The following TMEM129 variants were observed in gnomAD, a reference collection of about 807,000 sequenced individuals.
TMEM129 encodes the protein E3 ubiquitin-protein ligase TM129.
In TMEM129, 35 loss-of-function variants were observed where a neutral mutation model predicts 34.1. That is an observed-to-expected ratio of 1.03 (90% CI 0.78 to 1.36). The LOEUF is 1.36. Ranked by LOEUF, TMEM129 falls within the 40% of genes most tolerant of loss-of-function variation. The pLI, the probability that TMEM129 is intolerant of heterozygous loss-of-function variation, is 0.00. For missense variants in TMEM129, 504 were observed against 512.6 expected (o/e 0.98, Z 0.16); for synonymous variants, 239 against 217.3 (o/e 1.10, Z -0.88).
At chr4:1,719,019 C>T in intron 1 of TMEM129, 2 of 1,289,184 alleles carry the variant, frequency 1.6e-6, no homozygotes, top group South Asian at 1.3e-5. Flanking sequence ...TGTGGTGCAT[C>T]CCAGAGCTGA....
In TMEM129 at chr4:1,720,503, G is replaced by A; in HGVS notation, c.205+130C>T. On this transcript the variant is annotated intron_variant, in intron 1 of 3. Coordinates refer to ENST00000382936, the MANE Select transcript of TMEM129 (RefSeq NM_001127266.2). The surrounding 1 kb of genome is among the most constrained non-coding windows in gnomAD (Gnocchi z 4.4). ...CCCACGCCGCGGTCCCTCTGGATGAGGACCGGCGCCTCTCCCCAGCTGCGC... is the reference window on the plus strand; with the variant it reads ...CCCACGCCGCGGTCCCTCTGGATGAAGACCGGCGCCTCTCCCCAGCTGCGC... 1 of 1,217,364 alleles carries A rather than the reference G, an allele frequency of 8.2e-7. No homozygotes were observed. The allele number at this position is 1,217,364 out of a possible 1,614,324, so 75.4% of individuals were successfully genotyped here.
In TMEM129 at chr4:1,717,690, GCTGCTGGGCCCCT is replaced by G; in HGVS notation, c.681-28_681-16del. On this transcript the variant is annotated splice_polypyrimidine_tract_variant and intron_variant, in intron 2 of 3. Transcript: ENST00000382936. ...TGGAGTTCAGCCTGCAGGGAGGAGAGCTGCTGGGCCCCTCTGCAGGGCAAAGGGAGCGGAAGAT... is the reference window on the plus strand; with the variant it reads ...TGGAGTTCAGCCTGCAGGGAGGAGAGCTGCAGGGCAAAGGGAGCGGAAGAT... The G allele has an allele frequency of 6.7e-7, 1 of 1,490,856 alleles. No homozygotes were observed. Among genetic ancestry groups the G allele is most frequent in the Non-Finnish European group, 9.0e-7 (1 of 1,114,834 alleles). 92.4% of individuals were successfully genotyped at this position (1,490,856 alleles called of 1,614,324 possible).
Position 1,716,879 on chromosome 4 carries a change from G to A in TMEM129, c.*301C>T, listed in dbSNP as rs56215097. ...ACCCAGGGTCTCCAGGGAATGGCTC[G>A]GGGGCAGACGCTGTGTCTGTGTGTG... On this transcript the variant is annotated 3_prime_UTR_variant, in exon 4 of 4. Coordinates refer to ENST00000382936, the MANE Select transcript of TMEM129 (RefSeq NM_001127266.2). The A allele has an allele frequency of 2.0e-5, 7 of 356,358 alleles. No homozygotes were observed. The highest frequency in any genetic ancestry group is 8.4e-5 in the African/African-American group (4 of 47,814). 22.1% of individuals were successfully genotyped at this position (356,358 alleles called of 1,614,324 possible). A position where few individuals can be genotyped will look rare whatever the true frequency, so the allele number is the denominator to read the frequency against.
chr4:1,719,063 A>G, intron 1 of TMEM129: 1 of 1,265,902 alleles, frequency 7.9e-7, no homozygotes. Context: ...CAAGTCTCAA[A>G]GAATGATGGG....
At position 1,720,751 on chromosome 4, in the gene TMEM129, C is replaced by T. The variant is rs757852590; in HGVS notation, c.87G>A (p.Ala29=). The change falls in exon 1 of 4, where the codon GCG becomes GCA. Residue 29 remains alanine (A), a synonymous_variant. Coordinates refer to ENST00000382936, the MANE Select transcript of TMEM129 (RefSeq NM_001127266.2). The surrounding 1 kb of genome is among the most constrained non-coding windows in gnomAD (Gnocchi z 4.4). ...ACAGCAGGTTCTGCACCGTGAGCCC[C>T]GCCGCGTGGAACTCGTTGGGCGTGA... ...FVFTPNEFHA[A]GLTVQNLLSG... 3 of 1,582,564 alleles carry T rather than the reference C, an allele frequency of 1.9e-6. No homozygotes were observed. The highest frequency in any genetic ancestry group is 1.7e-6 in the Non-Finnish European group (2 of 1,166,124).
At position 1,717,002 on chromosome 4, in the gene TMEM129, C is replaced by T; in HGVS notation, c.*178G>A. 1.3e-6 allele frequency: 1 copy of T among 781,952 alleles called. No homozygotes were observed. The highest frequency in any genetic ancestry group is 4.6e-5 in the South Asian group (1 of 21,604). 48.4% of individuals were successfully genotyped at this position (781,952 alleles called of 1,614,324 possible). ...GCTGCCAAGCAGGGTGGGGTGTTTT[C>T]ATGAGGATTGCTTTTAACCAAAAGT... On this transcript the variant is annotated 3_prime_UTR_variant, in exon 4 of 4. Transcript: ENST00000382936.
chr4:1,720,606 G>A lies in TMEM129; in HGVS notation c.205+27C>T. ...CAGCAAGCCCTGCGCAGGAGAGGAT[G>A]CGGCCGGCCGGCCCGAGCAGCCTCA... is the stretch of plus-strand genomic sequence containing the variant. On this transcript the variant is annotated intron_variant, in intron 1 of 3. Coordinates refer to ENST00000382936, the MANE Select transcript of TMEM129 (RefSeq NM_001127266.2). The surrounding 1 kb of genome is among the most constrained non-coding windows in gnomAD (Gnocchi z 4.4). 6.5e-7 allele frequency: 1 copy of A among 1,528,136 alleles called. No individual in the cohort carries two copies. Among genetic ancestry groups the A allele is most frequent in the Admixed American group, 2.0e-5 (1 of 50,564 alleles). 94.7% of individuals were successfully genotyped at this position (1,528,136 alleles called of 1,614,324 possible).
chr4:1,720,516 TC>T lies in TMEM129; in HGVS notation c.205+116del. On this transcript the variant is annotated intron_variant, in intron 1 of 3. Coordinates refer to ENST00000382936, the MANE Select transcript of TMEM129 (RefSeq NM_001127266.2). This position sits in a 1 kb window ranked among gnomAD's most constrained non-coding sequence, Gnocchi z 4.4. ...CCCTCTGGATGAGGACCGGCGCCTC[TC>T]CCCAGCTGCGCCCAGGCGCTTTCGG... The T allele has an allele frequency of 7.6e-7, 1 of 1,313,042 alleles. No homozygotes were observed. The highest frequency in any genetic ancestry group is 1.0e-6 in the Non-Finnish European group (1 of 987,990). 81.3% of individuals were successfully genotyped at this position (1,313,042 alleles called of 1,614,324 possible).
intron 2 of TMEM129, 91 bp downstream of exon 2, chr4:1,718,061 T>G (rs1470243622): frequency 8.1e-7 from 1 of 1,238,092 alleles, no homozygotes; most frequent in Non-Finnish European, 1.1e-6. Flanking sequence ...CCACACCAGC[T>G]ACACCCAGCA....
At chr4:1,718,073 C>T (rs1717065039) in intron 2 of TMEM129, 79 bp downstream of exon 2, 1 of 1,339,196 alleles carries the variant, frequency 7.5e-7, no homozygotes, top group Non-Finnish European at 1.0e-6. Context: ...CACCCAGCAC[C>T]TCCCAGGGGT....
Position 1,716,851 on chromosome 4 carries a change from T to C in TMEM129, c.*329A>G. ...TGGCCCAGATGACGACCACCTGGGGTAGACCCAGGGTCTCCAGGGAATGGC... is the reference window on the plus strand; with the variant it reads ...TGGCCCAGATGACGACCACCTGGGGCAGACCCAGGGTCTCCAGGGAATGGC... On this transcript the variant is annotated 3_prime_UTR_variant, in exon 4 of 4. Transcript: ENST00000382936. 3.1e-6 allele frequency: 1 copy of C among 318,084 alleles called. No individual in the cohort carries two copies. Among genetic ancestry groups the C allele is most frequent in the Non-Finnish European group, 5.7e-6 (1 of 174,158 alleles). The allele number at this position is 318,084 out of a possible 1,614,324, so 19.7% of individuals were successfully genotyped here. A position where few individuals can be genotyped will look rare whatever the true frequency, so the allele number is the denominator to read the frequency against.
chr4:1,717,143 G>C lies in TMEM129; in HGVS notation c.*37C>G, dbSNP rs2236788. On this transcript the variant is annotated 3_prime_UTR_variant, in exon 4 of 4. Transcript: ENST00000382936. ...CCCCCTTCCCTGCCCTGTGGCTTTG[G>C]GGGGAGACACAGAGTCACCTCAAGG... 335,020 of 1,402,404 alleles carry C rather than the reference G, an allele frequency of 0.24. 41,685 individuals carry two copies. The highest frequency in any genetic ancestry group is 0.26 in the Non-Finnish European group (279,650 of 1,077,216). The allele number at this position is 1,402,404 out of a possible 1,614,324, so 86.9% of individuals were successfully genotyped here.
rs1305044230 is a variant in TMEM129, at chr4:1,717,573, C to T, written c.783G>A (p.Leu261=). The T allele has an allele frequency of 6.5e-7, 1 of 1,549,624 alleles. No individual in the cohort carries two copies. Among genetic ancestry groups the T allele is most frequent in the Non-Finnish European group, 8.7e-7 (1 of 1,146,242 alleles). The change falls in exon 3 of 4, where the codon CTG becomes CTA. Residue 261 remains leucine (L), a synonymous_variant. Coordinates refer to ENST00000382936, the MANE Select transcript of TMEM129 (RefSeq NM_001127266.2). ...CCTCTACCAGGGAGGCAAATGTCTCCAGGAACAGGTCGCCCAGGCTCTGGT... is the reference window on the plus strand; with the variant it reads ...CCTCTACCAGGGAGGCAAATGTCTCTAGGAACAGGTCGCCCAGGCTCTGGT... ...VIHQSLGDLF[L]ETFASLVEVN...
In TMEM129 at chr4:1,716,859, G is replaced by A. The variant is rs954871368; in HGVS notation, c.*321C>T. On this transcript the variant is annotated 3_prime_UTR_variant, in exon 4 of 4. Transcript: ENST00000382936. ...ATGACGACCACCTGGGGTAGACCCAGGGTCTCCAGGGAATGGCTCGGGGGC... is the reference window on the plus strand; with the variant it reads ...ATGACGACCACCTGGGGTAGACCCAAGGTCTCCAGGGAATGGCTCGGGGGC... 3.0e-6 allele frequency: 1 copy of A among 331,090 alleles called. No individual in the cohort carries two copies. The highest frequency in any genetic ancestry group is 2.1e-5 in the African/African-American group (1 of 47,302). 20.5% of individuals were successfully genotyped at this position (331,090 alleles called of 1,614,324 possible).
At chr4:1,717,958 G>A in intron 2 of TMEM129, 194 bp downstream of exon 2, 1 of 674,880 alleles carries the variant, frequency 1.5e-6, no homozygotes, top group Non-Finnish European at 2.5e-6. Context: ...AAGAGTGCAG[G>A]GGGACCCGAG....
Position 1,717,212 on chromosome 4 carries a change from A to C in TMEM129, c.1057T>G (p.Phe353Val). The change falls in exon 4 of 4, where the codon TTC becomes GTC. Residue 353 changes from phenylalanine (F) to valine (V), a missense_variant. Coordinates refer to ENST00000382936, the MANE Select transcript of TMEM129 (RefSeq NM_001127266.2). The part of the protein sequence containing the change: ...RVPCPTCRAR[F>V]CILDVCTVR ...ACGGTGCACACATCCAGGATGCAGA[A>C]GCGTGCGCGGCAGGTGGGGCAGGGC... 1 of 1,485,856 alleles carries C rather than the reference A, an allele frequency of 6.7e-7. No individual in the cohort carries two copies. Among genetic ancestry groups the C allele is most frequent in the Non-Finnish European group, 9.0e-7 (1 of 1,111,208 alleles). The allele number at this position is 1,485,856 out of a possible 1,614,324, so 92.0% of individuals were successfully genotyped here.
chr4:1,719,049 G>A (rs1717135607), intron 1 of TMEM129: 2 of 1,276,822 alleles, frequency 1.6e-6, no homozygotes, highest in Middle Eastern at 2.4e-4. Flanking sequence ...TGCGAGAAAG[G>A]AAGCAAGTCT....
At chr4:1,719,164 G>A (rs750034371) in intron 1 of TMEM129, 5 of 727,840 alleles carry the variant, frequency 6.9e-6, no homozygotes, top group Non-Finnish European at 6.3e-6. Context: ...GAGATGGTGA[G>A]GAGTTGCACC....
rs1717236568 is a variant in TMEM129 at position 1,720,367 on chromosome 4, G to T, written c.205+266C>A. On this transcript the variant is annotated intron_variant, in intron 1 of 3. Transcript: ENST00000382936. This position sits in a 1 kb window ranked among gnomAD's most constrained non-coding sequence, Gnocchi z 4.4. ...GGCTGCTTGGCCTTGCAACCCCCAG[G>T]CACGTGACGGTTCAGGACTTGGTGG... 1.3e-5 allele frequency among the ~76,000 whole-genome samples: 2 copies of T among 152,232 alleles called. No homozygotes were observed. The highest frequency in any genetic ancestry group is 4.8e-5 in the African/African-American group (2 of 41,456).
Sources: allele counts gnomAD v4.1 joint callset (sites outside exome capture counted in the v4.1 genomes callset), GRCh38; gene constraint gnomAD v4.1.1; non-coding constraint Gnocchi (gnomAD v3.1); transcripts MANE v1.5; gene names NCBI Gene and HGNC (gene_info 2026-07-23, HGNC 2026-07-21).